WDR25: variants seen among roughly 807,000 people sequenced by gnomAD.
WDR25 encodes WD repeat domain 25, also known as WD repeat-containing protein 25.
Under a neutral mutation model 47.7 loss-of-function variants are expected in WDR25, and 35 were observed. The ratio of observed to expected loss-of-function variants is 0.73; its 90% CI spans 0.56 to 0.97. WDR25 has a LOEUF of 0.97. Ranked by LOEUF, WDR25 falls within the 50% of genes least tolerant of loss-of-function variation. WDR25 has a pLI of 0.00. For missense variants in WDR25, 634 were observed against 704.7 expected, an observed-to-expected ratio of 0.90 and a Z score of 1.14; for synonymous variants, 248 against 278.9, an observed-to-expected ratio of 0.89 and a Z score of 1.10.
In WDR25 at chr14:100,481,284, A is replaced by G; in HGVS notation, c.971-2710A>G. ...GAAACCAAGTCTGATAGAATACCAT[A>G]TACCATGTCTTATCAGTGGTCCCTG... On this transcript the variant is annotated intron_variant, in intron 3 of 6. Coordinates refer to ENST00000402312, the MANE Select transcript of WDR25 (RefSeq NM_001161476.3). The G allele has an allele frequency of 3.9e-6, 3 of 773,984 alleles. No homozygotes were observed. In the South Asian group the frequency reaches 4.0e-5, roughly 10 times the overall value. 47.9% of individuals were successfully genotyped at this position (773,984 alleles called of 1,614,324 possible).
At chr14:100,457,847 A>G (rs1899254884) in intron 2 of WDR25, among the ~76,000 whole-genome samples, 1 of 152,234 alleles carries the variant, frequency 6.6e-6, no homozygotes, top group Non-Finnish European at 1.5e-5. Flanking sequence ...GGGAAGTGAT[A>G]ATATTACTTG....
chr14:100,400,215 G>A (rs1045557395), intron 2 of WDR25, among the ~76,000 whole-genome samples: 2 of 152,230 alleles, frequency 1.3e-5, no homozygotes, highest in African/African-American at 2.4e-5. Flanking sequence ...GTCCTGTACC[G>A]CAGTGACATT....
intron 4 of WDR25, among the ~76,000 whole-genome samples, chr14:100,514,959 G>T (rs1316275115): frequency 6.6e-6 from 1 of 152,094 alleles, no homozygotes; most frequent in Non-Finnish European, 1.5e-5. Context: ...TTGTCTAAAA[G>T]ATATTTATGC....
At chr14:100,402,491 T>C (rs923975179) in intron 2 of WDR25, among the ~76,000 whole-genome samples, 6 of 152,040 alleles carry the variant, frequency 3.9e-5, no homozygotes, top group Admixed American at 2.6e-4. Flanking sequence ...AGGTGGGACA[T>C]GGGGGTGGAC....
At chr14:100,397,364 C>T (rs1897283488) in intron 2 of WDR25, among the ~76,000 whole-genome samples, 1 of 152,142 alleles carries the variant, frequency 6.6e-6, no homozygotes, top group African/African-American at 2.4e-5. Context: ...TCTTTTTGGC[C>T]TTTTAACAGA....
intron 2 of WDR25, among the ~76,000 whole-genome samples, chr14:100,419,241 A>T (rs1178064405): frequency 2.0e-5 from 3 of 150,878 alleles, no homozygotes; most frequent in South Asian, 2.1e-4. Flanking sequence ...AAAAAAAAAA[A>T]TTTATTTCCC....
At chr14:100,411,296 A>C (rs1297776516) in intron 2 of WDR25, among the ~76,000 whole-genome samples, 1 of 152,140 alleles carries the variant, frequency 6.6e-6, no homozygotes, top group Non-Finnish European at 1.5e-5. Context: ...AAACAGAGAA[A>C]ATAGTACAGA....
At chr14:100,422,363 C>T (rs1272266858) in intron 2 of WDR25, among the ~76,000 whole-genome samples, 1 of 152,116 alleles carries the variant, frequency 6.6e-6, no homozygotes, top group Non-Finnish European at 1.5e-5. Flanking sequence ...TATACTGAAA[C>T]CAGATTGCTC....
At chr14:100,403,984 G>A (rs976160962) in intron 2 of WDR25, among the ~76,000 whole-genome samples, 3 of 152,218 alleles carry the variant, frequency 2.0e-5, no homozygotes, top group African/African-American at 7.2e-5. Context: ...GCCTGATGAA[G>A]TGCCTTGAGT....
At chr14:100,518,895 A>T (rs1248431294) in intron 4 of WDR25, among the ~76,000 whole-genome samples, 1 of 141,052 alleles carries the variant, frequency 7.1e-6, no homozygotes, top group East Asian at 2.0e-4. Context: ...CTTCATCTCT[A>T]AAAAAAAAAA....
intron 2 of WDR25, among the ~76,000 whole-genome samples, chr14:100,460,057 A>C (rs1025691366): frequency 1.3e-5 from 2 of 150,366 alleles, no homozygotes; most frequent in Admixed American, 1.3e-4. Context: ...CAAGAAAAGG[A>C]CATCATAAGA....
In WDR25 at chr14:100,425,391, T is replaced by G. The variant is rs1263124292; in HGVS notation, c.823-42630T>G. 6.6e-6 allele frequency among the ~76,000 whole-genome samples: 1 copy of G among 152,244 alleles called. No individual in the cohort carries two copies. Among genetic ancestry groups the G allele is most frequent in the Non-Finnish European group, 1.5e-5 (1 of 68,040 alleles). ...AGCTGTTGGGTGGATATACAAATGT[T>G]GCCATAGGTTGCAGAGCTAAAAATT... On this transcript the variant is annotated intron_variant, in intron 2 of 6. Coordinates refer to ENST00000402312, the MANE Select transcript of WDR25 (RefSeq NM_001161476.3). The surrounding 1 kb of genome is among the most constrained non-coding windows in gnomAD (Gnocchi z 4.8).
At position 100,529,934 on chromosome 14, in the gene WDR25, ACACTG is replaced by A. The variant is rs1439826709; in HGVS notation, c.1531_1535del (p.Leu511GlyfsTer73). On this transcript the variant is annotated frameshift_variant, in exon 7 of 7. Coordinates refer to ENST00000402312, the MANE Select transcript of WDR25 (RefSeq NM_001161476.3). LOFTEE classifies it high-confidence loss of function. The surrounding 1 kb of genome is among the most constrained non-coding windows in gnomAD (Gnocchi z 5.1). ...CTTCCGCACAGCCAGCCGAGCATGC[ACACTG>A]CAGGGGCACACACAGGCCTGTGTCG... 6.2e-7 allele frequency: 1 copy of A among 1,613,548 alleles called. No homozygotes were observed. The highest frequency in any genetic ancestry group is 2.2e-5 in the East Asian group (1 of 44,870).
chr14:100,380,387 A>G (rs115651455), intron 1 of WDR25, among the ~76,000 whole-genome samples: 1,853 of 152,244 alleles, frequency 0.012, 39 homozygotes, highest in African/African-American at 0.042. Flanking sequence ...TATTTTTTAC[A>G]GATTTACCCC....
intron 3 of WDR25, among the ~76,000 whole-genome samples, chr14:100,471,299 T>G (rs1899823941): frequency 6.6e-6 from 1 of 152,120 alleles, no homozygotes. Flanking sequence ...TGTGCTGAGT[T>G]TGTCCTTGCC....
chr14:100,454,114 C>T (rs1166927527), intron 2 of WDR25, among the ~76,000 whole-genome samples: 1 of 152,160 alleles, frequency 6.6e-6, no homozygotes, highest in East Asian at 1.9e-4. Context: ...ACCCAGATAT[C>T]AGCTTGGGTA....
chr14:100,426,203 G>A (rs1898163282), intron 2 of WDR25, among the ~76,000 whole-genome samples: 2 of 152,232 alleles, frequency 1.3e-5, no homozygotes, highest in African/African-American at 2.4e-5. Flanking sequence ...AGTCAGTGTA[G>A]AGAAGATAAT....
Position 100,530,079 on chromosome 14 carries a change from T to G in WDR25, c.*38T>G. On this transcript the variant is annotated 3_prime_UTR_variant, in exon 7 of 7. Coordinates refer to ENST00000402312, the MANE Select transcript of WDR25 (RefSeq NM_001161476.3). ...TGAACCTTCCCGATGCCAGCTGGGC[T>G]CTTGGACTCCCCTCTTCCTCAAGGG... 1 of 1,577,118 alleles carries G rather than the reference T, an allele frequency of 6.3e-7. No homozygotes were observed.
intron 4 of WDR25, among the ~76,000 whole-genome samples, chr14:100,522,529 TTTA>T (rs780200655): frequency 1.3e-5 from 2 of 152,224 alleles, no homozygotes; most frequent in Non-Finnish European, 2.9e-5. Flanking sequence ...AGACAATGCA[TTTA>T]TTATTGAGAG....
Sources: gnomAD v4.1 joint callset for allele counts (sites outside exome capture counted in the v4.1 genomes callset) on GRCh38, gnomAD v4.1.1 for gene constraint, Gnocchi (gnomAD v3.1) non-coding constraint, MANE v1.5 for transcripts, NCBI Gene and HGNC (gene_info 2026-07-23, HGNC 2026-07-21) for gene names.